Variants in LYST observed in about 807,000 individuals in gnomAD.
LYST encodes lysosomal trafficking regulator.
Under a neutral mutation model 413.6 loss-of-function variants are expected in LYST, and 192 were observed. The observed-to-expected ratio is 0.46, with a 90% CI of 0.41 to 0.52. The LOEUF (loss-of-function observed/expected upper bound fraction) is 0.52, where lower values mean the gene tolerates loss of function less well. Among genes scored for constraint, LYST ranks in the 20% least tolerant of loss-of-function variants. LYST has a pLI of 0.00. For synonymous variants in LYST, 1,525 were observed against 1,567.3 expected (o/e 0.97, Z 0.64); for missense variants, 3,815 against 4,499.9 (o/e 0.85, Z 4.35).
chr1:235,867,522 G>A (rs1680693425), upstream of LYST, among the ~76,000 whole-genome samples: 1 of 124,016 alleles, frequency 8.1e-6, no homozygotes, highest in South Asian at 2.1e-4. Context: ...GTAATTCAGT[G>A]CAGTGGTGTA....
chr1:235,720,302 G>A (rs1487251198), intron 40 of LYST, among the ~76,000 whole-genome samples: 1 of 151,938 alleles, frequency 6.6e-6, no homozygotes, highest in African/African-American at 2.4e-5. Context: ...AGAGAAGCAG[G>A]GGACATTTGG....
chr1:235,866,273 A>T (rs2103206694), intron 1 of LYST, among the ~76,000 whole-genome samples: 1 of 152,296 alleles, frequency 6.6e-6, no homozygotes, highest in East Asian at 1.9e-4. Flanking sequence ...GCTCTCGCCC[A>T]GTCAAAGGGT....
chr1:235,738,009 C>T, intron 31 of LYST: 3 of 1,507,498 alleles, frequency 2.0e-6, no homozygotes, highest in African/African-American at 1.4e-5. Flanking sequence ...CAAGTATACG[C>T]TCAAGGATCA....
rs546951425 is a variant in LYST at position 235,807,130 on chromosome 1, C to T, written c.2364-358G>A. 4.6e-5 allele frequency among the ~76,000 whole-genome samples: 7 copies of T among 152,312 alleles called. No individual in the cohort carries two copies. In the South Asian group the frequency reaches 6.2e-4, roughly 14 times the overall value. The stretch of plus-strand genomic sequence containing the variant: ...CAGCCACCACCACACCTGAGGTGGA[C>T]ACCCTGAGGGCAGGCAAGCACGTGT... On this transcript the variant is annotated intron_variant, in intron 5 of 52. Transcript: ENST00000389793.
At chr1:235,679,618 A>G (rs1474750854) in intron 48 of LYST, among the ~76,000 whole-genome samples, 2 of 152,078 alleles carry the variant, frequency 1.3e-5, no homozygotes, top group South Asian at 4.1e-4. Flanking sequence ...ACAGAATGCA[A>G]GTAACTTCCT....
intron 14 of LYST, among the ~76,000 whole-genome samples, chr1:235,784,933 A>AT (rs1188153636): frequency 6.6e-6 from 1 of 152,166 alleles, no homozygotes; most frequent in Non-Finnish European, 1.5e-5. Flanking sequence ...TCAATTACGT[A>AT]TTTTTACATT....
intron 4 of LYST, among the ~76,000 whole-genome samples, chr1:235,812,213 T>C (rs990672209): frequency 2.7e-5 from 4 of 150,562 alleles, no homozygotes; most frequent in Non-Finnish European, 5.9e-5. Flanking sequence ...ATATTAAATA[T>C]ATCCTTTAGG....
Position 235,879,740 on chromosome 1 carries a change from C to CTT in LYST, n.454+3445_454+3446dup, listed in dbSNP as rs66680369. ...TGGATCTAACTTCCTTTCTTTCTTT[C>CTT]TTTTTTTTTTTTTTGAGACGGAGTC... is the stretch of plus-strand genomic sequence containing the variant. On this transcript the variant is annotated intron_variant and non_coding_transcript_variant, in intron 1 of 11. Coordinates refer to the LYST transcript ENST00000465349. Among the ~76,000 whole-genome samples the CTT allele has an allele frequency of 5.7e-3, 834 of 146,332 alleles. 8 individuals carry two copies. The highest frequency in any genetic ancestry group is 0.019 in the African/African-American group (774 of 39,912).
At chr1:235,707,030 G>A (rs972875087) in intron 44 of LYST, among the ~76,000 whole-genome samples, 1 of 152,174 alleles carries the variant, frequency 6.6e-6, no homozygotes, top group African/African-American at 2.4e-5. Context: ...GAAAATTACA[G>A]TTAGTGGAGA....
Position 235,853,108 on chromosome 1 carries a change from G to GC in LYST, c.-98+13734dup, listed in dbSNP as rs370263812. On this transcript the variant is annotated intron_variant, in intron 1 of 52. Coordinates refer to ENST00000389793, the MANE Select transcript of LYST (RefSeq NM_000081.4). ...CGCCTCCAAGCACCACAAACTTCTT[G>GC]CCCCCCCACAAACTTCTCAAGATGT... 6.3e-3 allele frequency: 1,070 copies of GC among 170,048 alleles called. 9 individuals carry two copies. Among genetic ancestry groups the GC allele is most frequent in the Non-Finnish European group, 3.7e-3 (253 of 68,256 alleles). 10.5% of individuals were successfully genotyped at this position (170,048 alleles called of 1,614,324 possible). A position where few individuals can be genotyped will look rare whatever the true frequency, so the allele number is the denominator to read the frequency against.
intron 12 of LYST, among the ~76,000 whole-genome samples, chr1:235,791,280 C>CAA (rs200787319): frequency 0.084 from 12,536 of 148,692 alleles, 682 homozygotes; most frequent in Middle Eastern, 0.13. Flanking sequence ...GAAACTGTCT[C>CAA]AAAAAAAAAG....
chr1:235,715,679 C>T (rs114944837), intron 41 of LYST, among the ~76,000 whole-genome samples: 173 of 152,194 alleles, frequency 1.1e-3, no homozygotes, highest in African/African-American at 3.7e-3. Context: ...TGATCAAGCA[C>T]CCAACAAATG....
intron 31 of LYST, among the ~76,000 whole-genome samples, chr1:235,740,658 C>G (rs1422619330): frequency 6.6e-6 from 1 of 152,160 alleles, no homozygotes; most frequent in East Asian, 1.9e-4. Context: ...ATACAGATTT[C>G]TCTCTACAGG....
Position 235,854,536 on chromosome 1 carries a change from G to T in LYST, c.-98+12307C>A, listed in dbSNP as rs2103118770. ...CAATTCTCCCTCTTGACCACTTACT[G>T]GTTCACCTCTGCATCTGCTGCTCTA... On this transcript the variant is annotated intron_variant, in intron 1 of 52. Transcript: ENST00000389793. This position sits in a 1 kb window ranked among gnomAD's most constrained non-coding sequence, Gnocchi z 4.1. Among the ~76,000 whole-genome samples, 1 of 152,166 alleles carries T rather than the reference G, an allele frequency of 6.6e-6. No individual in the cohort carries two copies. Among genetic ancestry groups the T allele is most frequent in the African/African-American group, 2.4e-5 (1 of 41,520 alleles).
intron 24 of LYST, among the ~76,000 whole-genome samples, chr1:235,755,998 AATCTATATCTAT>A (rs59482097): frequency 0.15 from 21,408 of 142,692 alleles, 1,897 homozygotes; most frequent in African/African-American, 0.23. Flanking sequence ...TCTCTCTGCA[AATCTATATCTAT>A]ATCTATATCT....
chr1:235,666,380 T>TC (rs1221807789), intron 50 of LYST, among the ~76,000 whole-genome samples: 4 of 151,988 alleles, frequency 2.6e-5, no homozygotes, highest in African/African-American at 9.7e-5. Flanking sequence ...ACTGTATGAT[T>TC]CCACTTACAT....
At chr1:235,796,138 G>C (rs757461533) in intron 10 of LYST, among the ~76,000 whole-genome samples, 7 of 151,832 alleles carry the variant, frequency 4.6e-5, no homozygotes, top group South Asian at 2.1e-4. Flanking sequence ...ATAACAATTA[G>C]AATACAAAAA....
At chr1:235,703,741 C>T (rs911629284) in intron 44 of LYST, among the ~76,000 whole-genome samples, 5 of 152,270 alleles carry the variant, frequency 3.3e-5, no homozygotes, top group Admixed American at 3.3e-4. Context: ...ACTCCCAGCA[C>T]CAGTGATCAA....
chr1:235,821,209 G>T (rs1674712439), intron 3 of LYST, among the ~76,000 whole-genome samples: 2 of 152,294 alleles, frequency 1.3e-5, no homozygotes, highest in South Asian at 4.1e-4. Context: ...AGGCCAAGGG[G>T]GGTGGTTGCT....
Sources: allele counts gnomAD v4.1 joint callset (sites outside exome capture counted in the v4.1 genomes callset), GRCh38; gene constraint gnomAD v4.1.1; non-coding constraint Gnocchi (gnomAD v3.1); transcripts MANE v1.5; gene names NCBI Gene and HGNC (gene_info 2026-07-23, HGNC 2026-07-21).